Variants in SLC4A5 observed in about 807,000 individuals in gnomAD.
SLC4A5 encodes electrogenic sodium bicarbonate cotransporter 4.
Under a neutral mutation model 120.4 loss-of-function variants are expected in SLC4A5, and 96 were observed. That is an observed-to-expected ratio of 0.80 (90% CI 0.68 to 0.94). The LOEUF is 0.94. SLC4A5 is among the 40% of genes least tolerant of loss of function. SLC4A5 has a pLI of 0.00. For synonymous variants in SLC4A5, 550 were observed against 571.1 expected, an observed-to-expected ratio of 0.96 and a Z score of 0.53; for missense variants, 1,259 against 1,459.5, an observed-to-expected ratio of 0.86 and a Z score of 2.24.
chr2:74,302,827 G>A (rs910960731), intron 7 of SLC4A5, among the ~76,000 whole-genome samples: 2 of 152,184 alleles, frequency 1.3e-5, no homozygotes, highest in Non-Finnish European at 2.9e-5. Context: ...GCTCAGGAAG[G>A]ACCCAGCAGA....
chr2:74,242,939 T>C (rs1376559472), intron 19 of SLC4A5, among the ~76,000 whole-genome samples: 1 of 152,154 alleles, frequency 6.6e-6, no homozygotes, highest in Admixed American at 6.5e-5. Flanking sequence ...CAGGCATGAG[T>C]CACTGCACCC....
chr2:74,294,253 G>A (rs1364532128), intron 7 of SLC4A5, among the ~76,000 whole-genome samples: 1 of 152,148 alleles, frequency 6.6e-6, no homozygotes, highest in African/African-American at 2.4e-5. Flanking sequence ...GGCCTGGGAA[G>A]GGCAACAACC....
intron 30 of SLC4A5, among the ~76,000 whole-genome samples, chr2:74,219,577 G>A (rs1694559310): frequency 6.6e-6 from 1 of 152,110 alleles, no homozygotes; most frequent in Non-Finnish European, 1.5e-5. Context: ...ATGAGGTTGG[G>A]AGATACCATC....
chr2:74,264,013 A>G, intron 10 of SLC4A5, 134 bp downstream of exon 10: 2 of 1,179,840 alleles, frequency 1.7e-6, no homozygotes, highest in Non-Finnish European at 2.3e-6. Flanking sequence ...CCTGCCAGAG[A>G]AGGAGGCTGA....
intron 10 of SLC4A5, 136 bp from the exon 11 acceptor site, chr2:74,262,368 T>TC: frequency 1.8e-6 from 1 of 548,114 alleles, no homozygotes; most frequent in Non-Finnish European, 3.1e-6. Flanking sequence ...AAATTCTTTT[T>TC]TTTTTTTTTT....
At chr2:74,266,644 T>C (rs1405969979) in intron 8 of SLC4A5, among the ~76,000 whole-genome samples, 1 of 152,080 alleles carries the variant, frequency 6.6e-6, no homozygotes, top group Non-Finnish European at 1.5e-5. Context: ...TCCCTACTTT[T>C]CACCAAACAC....
At chr2:74,338,287 T>C (rs1673543065) in intron 3 of SLC4A5, among the ~76,000 whole-genome samples, 1 of 152,206 alleles carries the variant, frequency 6.6e-6, no homozygotes, top group African/African-American at 2.4e-5. Flanking sequence ...TCTACTCTTG[T>C]ACTCTTCAAA....
intron 28 of SLC4A5, 84 bp from the exon 29 acceptor site, chr2:74,223,036 G>A (rs926291658): frequency 1.2e-5 from 11 of 886,876 alleles, no homozygotes; most frequent in East Asian, 2.8e-5. Context: ...ACAGAGTCTC[G>A]CTCTACTGCC....
intron 19 of SLC4A5, among the ~76,000 whole-genome samples, chr2:74,243,566 A>G (rs1428804417): frequency 6.6e-6 from 1 of 152,210 alleles, no homozygotes; most frequent in East Asian, 1.9e-4. Context: ...TGTGCAATTA[A>G]TGATGGAGAC....
At chr2:74,307,666 G>C in intron 6 of SLC4A5, 1 of 1,004,428 alleles carries the variant, frequency 1.0e-6, no homozygotes, top group Non-Finnish European at 1.5e-6. Flanking sequence ...TTCTTCTCCA[G>C]GTGCTCCCGG....
chr2:74,248,379 A>T, exon 18 of SLC4A5: 1 of 1,614,154 alleles, frequency 6.2e-7, no homozygotes, highest in Non-Finnish European at 8.5e-7. Context: ...GGAGCTTCTC[A>T]AAGATGAGGA....
rs747737359 is a variant in SLC4A5 at position 74,285,945 on chromosome 2, G to A, written c.272-43C>T. ...CAGGTCTGCTGAGTGTCCCATGGAAGGCAGGAGGACCACAAGGCCAACAGA... is the reference window on the plus strand; with the variant it reads ...CAGGTCTGCTGAGTGTCCCATGGAAAGCAGGAGGACCACAAGGCCAACAGA... On this transcript the variant is annotated intron_variant, in intron 7 of 30. Transcript: ENST00000394019. 1.2e-5 allele frequency: 18 copies of A among 1,532,496 alleles called. No individual in the cohort carries two copies. In the East Asian group the frequency reaches 3.9e-4, roughly 33 times the overall value. 94.9% of individuals were successfully genotyped at this position (1,532,496 alleles called of 1,614,324 possible). A position where few individuals can be genotyped will look rare whatever the true frequency, so the allele number is the denominator to read the frequency against.
chr2:74,332,429 T>C (rs1673385249), intron 4 of SLC4A5, among the ~76,000 whole-genome samples: 1 of 152,172 alleles, frequency 6.6e-6, no homozygotes, highest in South Asian at 2.1e-4. Context: ...ATGAAGACCT[T>C]TGATCTTCAG....
chr2:74,225,893 G>A (rs1223184317), intron 27 of SLC4A5, among the ~76,000 whole-genome samples: 4 of 152,184 alleles, frequency 2.6e-5, no homozygotes, highest in Admixed American at 6.5e-5. Flanking sequence ...CATGCTCTCT[G>A]AGCCTCATTT....
At chr2:74,241,478 C>T (rs1412469868) in intron 20 of SLC4A5, among the ~76,000 whole-genome samples, 3 of 151,754 alleles carry the variant, frequency 2.0e-5, no homozygotes, top group Non-Finnish European at 2.9e-5. Flanking sequence ...CGGTGGCTCA[C>T]GCCTGTAATC....
chr2:74,307,608 T>A lies in SLC4A5; in HGVS notation c.80-2928A>T, dbSNP rs13389773. 4,579 of 788,218 alleles carry A rather than the reference T, an allele frequency of 5.8e-3. 37 individuals are homozygous for A. Among genetic ancestry groups the A allele is most frequent in the South Asian group, 9.4e-3 (708 of 75,550 alleles). The allele number at this position is 788,218 out of a possible 1,614,324, so 48.8% of individuals were successfully genotyped here. A position where few individuals can be genotyped will look rare whatever the true frequency, so the allele number is the denominator to read the frequency against. Reference sequence around the variant, plus strand: ...ATTTGCGAAGATCTGAGCGCTCATGTCCTCAATGGTCTTGAAGTAATGGCT... The same window carrying A: ...ATTTGCGAAGATCTGAGCGCTCATGACCTCAATGGTCTTGAAGTAATGGCT... On this transcript the variant is annotated intron_variant, in intron 6 of 30. Transcript: ENST00000394019.
At chr2:74,314,876 G>T in intron 6 of SLC4A5, 69 bp downstream of exon 6, 2 of 1,389,102 alleles carry the variant, frequency 1.4e-6, no homozygotes, top group Non-Finnish European at 2.0e-6. Context: ...TGAAAGAGCT[G>T]TCATAAAGAC....
chr2:74,275,141 CCAGA>C (rs1671599043), intron 8 of SLC4A5, among the ~76,000 whole-genome samples: 1 of 152,168 alleles, frequency 6.6e-6, no homozygotes, highest in African/African-American at 2.4e-5. Flanking sequence ...ACACTCCTTC[CCAGA>C]CAGTGATGAA....
chr2:74,223,402 C>T (rs1694728547), intron 28 of SLC4A5, among the ~76,000 whole-genome samples: 1 of 152,188 alleles, frequency 6.6e-6, no homozygotes, highest in South Asian at 2.1e-4. Context: ...GCTGCAAATA[C>T]CCTGGGGTCC....
Sources: allele counts gnomAD v4.1 joint callset (sites outside exome capture counted in the v4.1 genomes callset), GRCh38; gene constraint gnomAD v4.1.1; transcripts MANE v1.5; gene names NCBI Gene and HGNC (gene_info 2026-07-23, HGNC 2026-07-21).